The following DMXL2 variants were observed in gnomAD, a reference collection of about 807,000 sequenced individuals.
DMXL2 encodes the protein Dmx like 2.
Under a neutral mutation model 331.1 loss-of-function variants are expected in DMXL2, and 103 were observed. That is an observed-to-expected ratio of 0.31 (90% confidence interval 0.27 to 0.37). The LOEUF (loss-of-function observed/expected upper bound fraction) is 0.37. Among genes scored for constraint, DMXL2 ranks in the 10% least tolerant of loss-of-function variants. The pLI, the probability that DMXL2 is intolerant of heterozygous loss-of-function variation, is 1.00. For synonymous variants in DMXL2, 1,281 were observed against 1,252.1 expected (o/e 1.02, Z -0.49); for missense variants, 3,171 against 3,642.9 (o/e 0.87, Z 3.33).
At chr15:51,599,783 T>C (rs187662486) in intron 1 of DMXL2, among the ~76,000 whole-genome samples, 66 of 152,214 alleles carry the variant, frequency 4.3e-4, no homozygotes, top group Non-Finnish European at 2.4e-4. Context: ...CACTGCAACC[T>C]TCACCTCCCA....
At chr15:51,580,498 C>T (rs2051335831) in intron 1 of DMXL2, among the ~76,000 whole-genome samples, 1 of 152,280 alleles carries the variant, frequency 6.6e-6, no homozygotes, top group South Asian at 2.1e-4. Context: ...ACCGGATTAT[C>T]CCTCCTTGGA....
intron 9 of DMXL2, among the ~76,000 whole-genome samples, chr15:51,540,337 A>C (rs1408668066): frequency 6.6e-6 from 1 of 152,222 alleles, no homozygotes; most frequent in Non-Finnish European, 1.5e-5. Flanking sequence ...CCTCACATGC[A>C]ATAACAGTAT....
intron 14 of DMXL2, among the ~76,000 whole-genome samples, chr15:51,515,803 A>G (rs1457727238): frequency 6.6e-6 from 1 of 152,204 alleles, no homozygotes; most frequent in African/African-American, 2.4e-5. Flanking sequence ...AAAGGAGGCT[A>G]AAGTAGGGGA....
At chr15:51,595,147 G>A (rs1347341673) in intron 1 of DMXL2, among the ~76,000 whole-genome samples, 3 of 152,224 alleles carry the variant, frequency 2.0e-5, no homozygotes, top group African/African-American at 7.2e-5. Flanking sequence ...GTTTGCAGAT[G>A]ACATGATTGT....
chr15:51,553,073 AG>A (rs1251632562), intron 6 of DMXL2, among the ~76,000 whole-genome samples: 1 of 152,226 alleles, frequency 6.6e-6, no homozygotes, highest in Non-Finnish European at 1.5e-5. Flanking sequence ...CTTTCTCTAT[AG>A]ATCACTCACT....
intron 40 of DMXL2, among the ~76,000 whole-genome samples, chr15:51,454,632 G>A (rs1407658878): frequency 2.0e-5 from 3 of 152,082 alleles, no homozygotes; most frequent in Non-Finnish European, 2.9e-5. Flanking sequence ...GAGTAGCTGG[G>A]ACTTCATGCA....
At chr15:51,491,828 C>A in intron 19 of DMXL2, 81 bp from the exon 20 acceptor site, 1 of 1,205,864 alleles carries the variant, frequency 8.3e-7, no homozygotes, top group Non-Finnish European at 1.1e-6. Context: ...GTCACATACG[C>A]ATTCATTTTG....
At chr15:51,450,421 T>C (rs1233837839) in intron 42 of DMXL2, 75 bp from the exon 43 acceptor site, 5 of 1,362,908 alleles carry the variant, frequency 3.7e-6, no homozygotes, top group Non-Finnish European at 5.2e-6. Flanking sequence ...ACATCCACAT[T>C]TAAATACAGA....
At chr15:51,557,685 T>A (rs745358478) in intron 6 of DMXL2, among the ~76,000 whole-genome samples, 1 of 152,058 alleles carries the variant, frequency 6.6e-6, no homozygotes, top group African/African-American at 2.4e-5. Context: ...GAAAGACCAA[T>A]GAACTAGAGA....
intron 41 of DMXL2, among the ~76,000 whole-genome samples, chr15:51,453,009 T>A (rs1311611635): frequency 2.0e-5 from 3 of 152,196 alleles, no homozygotes; most frequent in Non-Finnish European, 4.4e-5. Flanking sequence ...ATGTCGTATG[T>A]TCTCACTTGT....
chr15:51,527,027 C>T (rs889850555), intron 13 of DMXL2, among the ~76,000 whole-genome samples: 13 of 152,040 alleles, frequency 8.6e-5, no homozygotes, highest in Admixed American at 7.2e-4. Flanking sequence ...CATCAATATC[C>T]GAGTACAAGA....
chr15:51,548,691 A>G (rs540915458), intron 6 of DMXL2, among the ~76,000 whole-genome samples: 15 of 152,174 alleles, frequency 9.9e-5, no homozygotes, highest in African/African-American at 3.6e-4. Context: ...CCCTCAAATG[A>G]AGCAGTCCCT....
In DMXL2 at chr15:51,455,157, A is replaced by T; in HGVS notation, c.8598T>A (p.Pro2866=). ...QVNQTASNPK[P]YMSWQCHSKA... is the part of the protein sequence containing the mutation. Reference sequence around the variant, plus strand: ...AACATTTAGTGATACTTACCATATAAGGTTTAGGATTTGATGCAGTTTGGT... The same window carrying T: ...AACATTTAGTGATACTTACCATATATGGTTTAGGATTTGATGCAGTTTGGT... The change falls in exon 40 of 44, where the codon CCT becomes CCA. Residue 2866 remains proline (P), a synonymous_variant. Coordinates refer to ENST00000560891, the MANE Select transcript of DMXL2 (RefSeq NM_001378457.1). 1 of 1,613,518 alleles carries T rather than the reference A, an allele frequency of 6.2e-7. No individual in the cohort carries two copies. Among genetic ancestry groups the T allele is most frequent in the African/African-American group, 1.3e-5 (1 of 75,024 alleles).
At chr15:51,580,472 G>A (rs1176473361) in intron 1 of DMXL2, among the ~76,000 whole-genome samples, 1 of 152,176 alleles carries the variant, frequency 6.6e-6, no homozygotes, top group Non-Finnish European at 1.5e-5. Context: ...CTTTTCTGGA[G>A]AAATGGAATC....
chr15:51,530,567 C>T (rs2047943265), intron 13 of DMXL2, among the ~76,000 whole-genome samples: 1 of 147,570 alleles, frequency 6.8e-6, no homozygotes, highest in Non-Finnish European at 1.5e-5. Context: ...CTGGCTAACA[C>T]AATGAAACCC....
At chr15:51,461,744 G>T (rs932484901) in intron 33 of DMXL2, among the ~76,000 whole-genome samples, 1 of 152,082 alleles carries the variant, frequency 6.6e-6, no homozygotes, top group African/African-American at 2.4e-5. Flanking sequence ...GTAGAGACGG[G>T]GTTTCACCAT....
intron 8 of DMXL2, among the ~76,000 whole-genome samples, chr15:51,544,931 T>C (rs1030568648): frequency 6.6e-6 from 1 of 152,054 alleles, no homozygotes; most frequent in South Asian, 2.1e-4. Flanking sequence ...ATAATAAATT[T>C]CTGACAATTC....
At chr15:51,465,716 T>G (rs149341984) in intron 30 of DMXL2, 65 bp from the exon 31 acceptor site, 28,891 of 1,194,092 alleles carry the variant, frequency 0.024, 467 homozygotes, top group Non-Finnish European at 0.029. Flanking sequence ...AACAGAGTGG[T>G]GTTCCCTGCC....
intron 21 of DMXL2, 124 bp downstream of exon 21, chr15:51,488,424 C>A (rs2042556924): frequency 1.2e-6 from 1 of 858,156 alleles, no homozygotes; most frequent in Non-Finnish European, 1.8e-6. Flanking sequence ...GCTAAAGGAA[C>A]CAGGTCGCAT....
Sources: gnomAD v4.1 joint callset for allele counts (sites outside exome capture counted in the v4.1 genomes callset) on GRCh38, gnomAD v4.1.1 for gene constraint, MANE v1.5 for transcripts, NCBI Gene and HGNC (gene_info 2026-07-23, HGNC 2026-07-21) for gene names.